The following RGL1 variants were observed in gnomAD, a reference collection of about 807,000 sequenced individuals.
RGL1 encodes ral guanine nucleotide dissociation stimulator-like 1.
Under a neutral mutation model 95.2 loss-of-function variants are expected in RGL1, and 24 were observed. The observed-to-expected ratio is 0.25, with a 90% CI of 0.18 to 0.35. The LOEUF (loss-of-function observed/expected upper bound fraction) is 0.35. Ranked by LOEUF, RGL1 falls within the 10% of genes least tolerant of loss-of-function variation. The probability of loss-of-function intolerance (pLI) is 1.00; values close to 1 mark genes in which losing one functional copy is unlikely to be tolerated. For synonymous variants in RGL1, 329 were observed against 344.9 expected, an observed-to-expected ratio of 0.95 and a Z score of 0.51; for missense variants, 715 against 936.3, an observed-to-expected ratio of 0.76 and a Z score of 3.08.
intron 1 of RGL1, among the ~76,000 whole-genome samples, chr1:183,675,975 G>A (rs1399836024): frequency 2.0e-5 from 3 of 152,174 alleles, no homozygotes; most frequent in Middle Eastern, 3.4e-3. Context: ...ATGAGCACAG[G>A]TCTCTACAGA....
chr1:183,750,177 C>A (rs1380469871), intron 2 of RGL1, among the ~76,000 whole-genome samples: 1 of 152,168 alleles, frequency 6.6e-6, no homozygotes, highest in Non-Finnish European at 1.5e-5. Flanking sequence ...TCCATTCTCC[C>A]CATCGCTTTC....
intron 2 of RGL1, among the ~76,000 whole-genome samples, chr1:183,822,026 G>A (rs980481796): frequency 6.6e-6 from 1 of 152,282 alleles, no homozygotes; most frequent in African/African-American, 2.4e-5. Flanking sequence ...TACAAAAGAT[G>A]TAGGGGTGGT....
At chr1:183,867,413 ACTCC>A (rs1665905853) in intron 4 of RGL1, among the ~76,000 whole-genome samples, 1 of 151,758 alleles carries the variant, frequency 6.6e-6, no homozygotes, top group African/African-American at 2.4e-5. Context: ...GGAGTGACCA[ACTCC>A]CTCCAGTGCT....
intron 1 of RGL1, among the ~76,000 whole-genome samples, chr1:183,657,436 C>G (rs1319375813): frequency 6.6e-6 from 1 of 152,154 alleles, no homozygotes; most frequent in African/African-American, 2.4e-5. Context: ...GCTATCCCTC[C>G]CCGCTCCCTC....
intron 2 of RGL1, among the ~76,000 whole-genome samples, chr1:183,826,069 T>TA (rs926936309): frequency 6.6e-6 from 1 of 151,634 alleles, no homozygotes; most frequent in African/African-American, 2.4e-5. Context: ...TCTTTTTTTT[T>TA]TTGAGACGGA....
rs78784551 is a variant in RGL1 at position 183,785,273 on chromosome 1, G to A, written c.133-21102G>A. 3.0e-3 allele frequency among the ~76,000 whole-genome samples: 455 copies of A among 152,152 alleles called. 4 individuals carry two copies. Among genetic ancestry groups the A allele is most frequent in the African/African-American group, 0.011 (436 of 41,482 alleles). ...CCTTCAGGTGTATCAAACTATTTTC[G>A]GTCCACCCGTGAAATTACTTTGTAT... On this transcript the variant is annotated intron_variant, in intron 2 of 18. Transcript: ENST00000304685.
chr1:183,733,401 G>A (rs781215052), intron 1 of RGL1, among the ~76,000 whole-genome samples: 40 of 152,244 alleles, frequency 2.6e-4, no homozygotes, highest in East Asian at 5.8e-4. Context: ...AAAAGGCAGC[G>A]TCAGGAAGCA....
At chr1:183,911,632 G>A (rs1191757791) in intron 14 of RGL1, among the ~76,000 whole-genome samples, 1 of 152,170 alleles carries the variant, frequency 6.6e-6, no homozygotes, top group Non-Finnish European at 1.5e-5. Context: ...TTATCTAGCT[G>A]TTTTATAGAG....
intron 1 of RGL1, among the ~76,000 whole-genome samples, chr1:183,670,919 C>G (rs183924734): frequency 2.6e-5 from 4 of 152,276 alleles, no homozygotes; most frequent in African/African-American, 9.6e-5. Flanking sequence ...CATTTTCATA[C>G]TTCTGTAAGA....
chr1:183,737,499 T>C (rs760410115), intron 1 of RGL1, among the ~76,000 whole-genome samples: 47 of 151,000 alleles, frequency 3.1e-4, no homozygotes, highest in Non-Finnish European at 6.2e-4. Context: ...CCTGTAATCT[T>C]AGTACTTTGG....
chr1:183,847,833 C>A, intron 3 of RGL1, 59 bp downstream of exon 3: 2 of 1,355,260 alleles, frequency 1.5e-6, no homozygotes, highest in South Asian at 1.2e-5. Context: ...TGGAGTGGAG[C>A]ACGAGGTTCT....
intron 4 of RGL1, among the ~76,000 whole-genome samples, chr1:183,880,338 A>G (rs1338290409): frequency 1.3e-5 from 2 of 151,878 alleles, no homozygotes; most frequent in South Asian, 2.1e-4. Context: ...TCTGCCCTGT[A>G]TGGGTTTTTC....
At chr1:183,870,260 T>C (rs1234392814) in intron 4 of RGL1, among the ~76,000 whole-genome samples, 2 of 151,968 alleles carry the variant, frequency 1.3e-5, no homozygotes, top group East Asian at 1.9e-4. Flanking sequence ...GGACGGCCTC[T>C]TTCTCGGTCT....
chr1:183,748,394 C>CTTTTTTT lies in RGL1; in HGVS notation c.132+6128_132+6134dup, dbSNP rs56920504. On this transcript the variant is annotated intron_variant, in intron 2 of 18. Coordinates refer to the RGL1 transcript ENST00000304685. ...TTTGAATTTGTTTGCTTCTCTAGTT[C>CTTTTTTT]TTTTTTTTTTTTTTTTTTTTTTTTT... 1.6e-3 allele frequency among the ~76,000 whole-genome samples: 111 copies of CTTTTTTT among 69,720 alleles called. 16 individuals are homozygous for CTTTTTTT. Among genetic ancestry groups the CTTTTTTT allele is most frequent in the African/African-American group, 3.6e-3 (55 of 15,088 alleles). The allele number at this position is 69,720 out of a possible 152,430, so 45.7% of individuals were successfully genotyped here. A position where few individuals can be genotyped will look rare whatever the true frequency, so the allele number is the denominator to read the frequency against.
intron 15 of RGL1, among the ~76,000 whole-genome samples, chr1:183,914,148 G>T (rs935000571): frequency 4.6e-5 from 7 of 152,308 alleles, no homozygotes; most frequent in Admixed American, 2.6e-4. Flanking sequence ...CCACATTATT[G>T]TGGGATTTCT....
chr1:183,745,279 G>A (rs1657553443), intron 2 of RGL1, among the ~76,000 whole-genome samples: 2 of 151,866 alleles, frequency 1.3e-5, no homozygotes, highest in African/African-American at 4.8e-5. Context: ...CCTTTTTATT[G>A]ATTTCATGCA....
intron 1 of RGL1, among the ~76,000 whole-genome samples, chr1:183,640,261 G>A (rs1649836194): frequency 6.6e-6 from 1 of 152,176 alleles, no homozygotes; most frequent in African/African-American, 2.4e-5. Context: ...TTACTGGGCA[G>A]GTATTGTTTT....
chr1:183,679,124 C>A (rs916111078), intron 1 of RGL1, among the ~76,000 whole-genome samples: 1 of 152,256 alleles, frequency 6.6e-6, no homozygotes, highest in Non-Finnish European at 1.5e-5. Context: ...GTTGCTTCAG[C>A]AGAGCCTAAA....
At chr1:183,879,619 A>T (rs1666711121) in intron 4 of RGL1, among the ~76,000 whole-genome samples, 2 of 152,206 alleles carry the variant, frequency 1.3e-5, no homozygotes, top group African/African-American at 2.4e-5. Context: ...TTCAGCAGTG[A>T]CTATTCCGGG....
Sources: gnomAD v4.1 joint callset for allele counts (sites outside exome capture counted in the v4.1 genomes callset) on GRCh38, gnomAD v4.1.1 for gene constraint, MANE v1.5 for transcripts, NCBI Gene and HGNC (gene_info 2026-07-23, HGNC 2026-07-21) for gene names.